Variants in SORBS2 observed in about 807,000 individuals in gnomAD.
SORBS2 encodes sorbin and SH3 domain containing 2.
Under a neutral mutation model 97.7 loss-of-function variants are expected in SORBS2, and 46 were observed. The ratio of observed to expected loss-of-function variants is 0.47; its 90% CI spans 0.37 to 0.60. The LOEUF (loss-of-function observed/expected upper bound fraction) is 0.60. Ranked by LOEUF, SORBS2 falls within the 20% of genes least tolerant of loss-of-function variation. The probability of loss-of-function intolerance (pLI) is 0.00; values close to 1 mark genes in which losing one functional copy is unlikely to be tolerated. For missense variants in SORBS2, 1,316 were observed against 1,282.3 expected, an observed-to-expected ratio of 1.03 and a Z score of -0.40; for synonymous variants, 476 against 473.4, an observed-to-expected ratio of 1.01 and a Z score of -0.07.
chr4:185,665,189 A>G (rs573252833), intron 4 of SORBS2, among the ~76,000 whole-genome samples: 32 of 152,334 alleles, frequency 2.1e-4, no homozygotes, highest in Admixed American at 6.5e-4. Context: ...AAAGGTAGAT[A>G]GGATTATCGA....
chr4:185,721,697 A>C (rs2098516026), intron 2 of SORBS2, among the ~76,000 whole-genome samples: 1 of 152,226 alleles, frequency 6.6e-6, no homozygotes, highest in South Asian at 2.1e-4. Context: ...AAATACCCAG[A>C]TCTTTCTGCA....
intron 1 of SORBS2, among the ~76,000 whole-genome samples, chr4:185,865,290 A>T (rs1217388813): frequency 2.0e-5 from 3 of 152,164 alleles, no homozygotes; most frequent in African/African-American, 7.2e-5. Flanking sequence ...CTGCACAGGA[A>T]CAAGGGGCGG....
chr4:185,814,032 T>C (rs1585236444), intron 1 of SORBS2, among the ~76,000 whole-genome samples: 1 of 152,146 alleles, frequency 6.6e-6, no homozygotes, highest in Non-Finnish European at 1.5e-5. Context: ...CTGGCTGGTG[T>C]GAAATCTGTG....
chr4:185,895,727 A>T (rs764156673), intron 1 of SORBS2, among the ~76,000 whole-genome samples: 1 of 152,236 alleles, frequency 6.6e-6, no homozygotes, highest in Non-Finnish European at 1.5e-5. Context: ...CAACAATAAG[A>T]AACTTGAAGA....
intron 1 of SORBS2, among the ~76,000 whole-genome samples, chr4:185,814,361 C>CAA (rs113675433): frequency 2.5e-5 from 3 of 118,898 alleles, no homozygotes; most frequent in Non-Finnish European, 5.4e-5. Context: ...TGCATCTCTA[C>CAA]AAAAAAAAAA....
intron 2 of SORBS2, among the ~76,000 whole-genome samples, chr4:185,707,498 GT>G (rs2098361440): frequency 7.2e-6 from 1 of 138,206 alleles, no homozygotes; most frequent in Admixed American, 7.6e-5. Context: ...TAAGACAAAT[GT>G]CATAAACATC....
intron 1 of SORBS2, among the ~76,000 whole-genome samples, chr4:185,807,251 C>T (rs547821819): frequency 6.6e-6 from 1 of 152,026 alleles, no homozygotes; most frequent in Non-Finnish European, 1.5e-5. Context: ...CATTACCAGG[C>T]CTTTTTGTTT....
chr4:185,743,955 T>C (rs2098743977), intron 2 of SORBS2, among the ~76,000 whole-genome samples: 1 of 147,082 alleles, frequency 6.8e-6, no homozygotes, highest in African/African-American at 2.5e-5. Flanking sequence ...CTCCTCCTTC[T>C]TCTCCTTCTC....
At chr4:185,680,840 C>T (rs553691202) in intron 2 of SORBS2, among the ~76,000 whole-genome samples, 11 of 152,070 alleles carry the variant, frequency 7.2e-5, no homozygotes, top group Admixed American at 2.6e-4. Context: ...TGTTTCTTCA[C>T]GCTGGTCACC....
intron 2 of SORBS2, among the ~76,000 whole-genome samples, chr4:185,749,232 A>G (rs2153596584): frequency 6.6e-6 from 1 of 152,150 alleles, no homozygotes; most frequent in East Asian, 1.9e-4. Flanking sequence ...CATGAAAGCA[A>G]CTGGGGACTG....
chr4:185,952,576 A>G (rs893454611), intron 1 of SORBS2, among the ~76,000 whole-genome samples: 1 of 152,236 alleles, frequency 6.6e-6, no homozygotes, highest in African/African-American at 2.4e-5. Flanking sequence ...AAATCAAGGC[A>G]TGCAGTGCAG....
In SORBS2 at chr4:185,735,715, T is replaced by C. The variant is rs572450417; in HGVS notation, c.-198+39512A>G. Among the ~76,000 whole-genome samples, 529 of 152,292 alleles carry C rather than the reference T, an allele frequency of 3.5e-3. 17 individuals are homozygous for C. The South Asian group carries it at 0.064, about 19-fold the overall frequency. Reference sequence around the variant, plus strand: ...GTACGTTTGTGTGTGTGTATGTGTGTGTGTGGGTGCAATTTTGTCCCCTTA... The same window carrying C: ...GTACGTTTGTGTGTGTGTATGTGTGCGTGTGGGTGCAATTTTGTCCCCTTA... On this transcript the variant is annotated intron_variant, in intron 2 of 20. Transcript: ENST00000284776.
chr4:185,781,014 T>G (rs929738981), intron 1 of SORBS2, among the ~76,000 whole-genome samples: 1 of 152,220 alleles, frequency 6.6e-6, no homozygotes, highest in African/African-American at 2.4e-5. Flanking sequence ...CTCGGCTCAC[T>G]GCAACCTCCA....
In SORBS2 at chr4:185,880,916, T is replaced by C. The variant is rs2099236528; in HGVS notation, c.-338+75280A>G. On this transcript the variant is annotated intron_variant, in intron 1 of 20. Coordinates refer to the SORBS2 transcript ENST00000284776. Reference sequence around the variant, plus strand: ...CATAAGCAGGATGAAAATGGCATGGTAGCTATGTAGACACAGCACTGAGGT... The same window carrying C: ...CATAAGCAGGATGAAAATGGCATGGCAGCTATGTAGACACAGCACTGAGGT... Among the ~76,000 whole-genome samples, 4 of 151,880 alleles carry C rather than the reference T, an allele frequency of 2.6e-5. No homozygotes were observed. The South Asian group carries it at 8.3e-4, about 32-fold the overall frequency.
intron 1 of SORBS2, among the ~76,000 whole-genome samples, chr4:185,849,957 T>A (rs1373237327): frequency 6.6e-6 from 1 of 152,226 alleles, no homozygotes; most frequent in Non-Finnish European, 1.5e-5. Flanking sequence ...CTGCTTGCAA[T>A]GGCGTAAGGA....
intron 1 of SORBS2, among the ~76,000 whole-genome samples, chr4:185,925,900 G>A (rs1265621827): frequency 2.6e-5 from 4 of 152,208 alleles, no homozygotes; most frequent in African/African-American, 9.7e-5. Flanking sequence ...GAGCATAGAA[G>A]TCTCCTCTGG....
chr4:185,603,226 G>A (rs375925612), intron 12 of SORBS2, among the ~76,000 whole-genome samples: 1 of 151,536 alleles, frequency 6.6e-6, no homozygotes, highest in Admixed American at 6.6e-5. Context: ...TATTGACTAA[G>A]CTTAAAAACC....
At chr4:185,829,168 A>G (rs2099203723) in intron 1 of SORBS2, among the ~76,000 whole-genome samples, 1 of 152,220 alleles carries the variant, frequency 6.6e-6, no homozygotes. Context: ...CATGTAAAAC[A>G]GGATGGGGCA....
At chr4:185,879,160 A>G (rs1200073069) in intron 1 of SORBS2, among the ~76,000 whole-genome samples, 12 of 82,896 alleles carry the variant, frequency 1.4e-4, no homozygotes, top group Non-Finnish European at 2.3e-4. Flanking sequence ...TCCTAATGCT[A>G]TCCCTCCCCC....
Sources: allele counts gnomAD v4.1 joint callset (sites outside exome capture counted in the v4.1 genomes callset), GRCh38; gene constraint gnomAD v4.1.1; transcripts MANE v1.5; gene names NCBI Gene and HGNC (gene_info 2026-07-23, HGNC 2026-07-21).